The following KCNIP1 variants were observed in gnomAD, a reference collection of about 807,000 sequenced individuals.
The protein encoded by KCNIP1 is A-type potassium channel modulatory protein KCNIP1.
A neutral mutation model predicts 33.0 loss-of-function variants in KCNIP1; 18 were observed. That is an observed-to-expected ratio of 0.55 (90% confidence interval 0.38 to 0.81). KCNIP1 has a LOEUF of 0.81. Ranked by LOEUF, KCNIP1 falls within the 30% of genes least tolerant of loss-of-function variation. The pLI, the probability that KCNIP1 is intolerant of heterozygous loss-of-function variation, is 0.00. For synonymous variants in KCNIP1, 93 were observed against 98.3 expected (o/e 0.95, Z 0.32); for missense variants, 238 against 271.6 (o/e 0.88, Z 0.87).
chr5:170,410,196 C>T (rs1372012856), intron 1 of KCNIP1, among the ~76,000 whole-genome samples: 1 of 152,248 alleles, frequency 6.6e-6, no homozygotes, highest in East Asian at 1.9e-4. Flanking sequence ...AGTGCAGGGC[C>T]TCCTGGGTCC....
At chr5:170,498,825 G>C (rs1757358170) in intron 1 of KCNIP1, among the ~76,000 whole-genome samples, 1 of 152,150 alleles carries the variant, frequency 6.6e-6, no homozygotes. Flanking sequence ...ACAATCCCCT[G>C]ACATGATTGG....
intron 1 of KCNIP1, among the ~76,000 whole-genome samples, chr5:170,519,002 A>T (rs1419255737): frequency 6.6e-6 from 1 of 151,932 alleles, no homozygotes; most frequent in African/African-American, 2.4e-5. Flanking sequence ...TCCACAGCCC[A>T]CCCACCCTCT....
chr5:170,456,932 C>T (rs1360183140), intron 1 of KCNIP1, among the ~76,000 whole-genome samples: 1 of 152,026 alleles, frequency 6.6e-6, no homozygotes, highest in Non-Finnish European at 1.5e-5. Flanking sequence ...GTTGCCCAGG[C>T]TGGTCTCAAA....
At chr5:170,718,382 T>C (rs1017282721) in intron 1 of KCNIP1, among the ~76,000 whole-genome samples, 2 of 152,234 alleles carry the variant, frequency 1.3e-5, no homozygotes, top group Non-Finnish European at 2.9e-5. Context: ...CTAGAGGTGT[T>C]TATCATTCTG....
chr5:170,714,083 G>A (rs1763555509), intron 1 of KCNIP1, among the ~76,000 whole-genome samples: 1 of 152,020 alleles, frequency 6.6e-6, no homozygotes, highest in African/African-American at 2.4e-5. Flanking sequence ...CACCATGAGG[G>A]AGGCACTATT....
intron 1 of KCNIP1, among the ~76,000 whole-genome samples, chr5:170,650,161 T>A (rs1001077191): frequency 2.0e-5 from 3 of 152,222 alleles, no homozygotes; most frequent in Admixed American, 1.3e-4. Context: ...TAAAAAAAGA[T>A]ATATTGAAAT....
At chr5:170,664,460 G>C (rs1252610779) in intron 1 of KCNIP1, among the ~76,000 whole-genome samples, 2 of 152,026 alleles carry the variant, frequency 1.3e-5, no homozygotes, top group African/African-American at 4.8e-5. Context: ...GTAGAGTCTG[G>C]GTCCCATTCG....
At chr5:170,437,830 G>A (rs34916612) in intron 1 of KCNIP1, among the ~76,000 whole-genome samples, 83,485 of 152,018 alleles carry the variant, frequency 0.55, 23,249 homozygotes, top group South Asian at 0.61. Context: ...CTACCTCTGG[G>A]CCTTTGCACA....
At chr5:170,529,339 A>G (rs1755700001) in intron 1 of KCNIP1, among the ~76,000 whole-genome samples, 1 of 152,146 alleles carries the variant, frequency 6.6e-6, no homozygotes, top group Non-Finnish European at 1.5e-5. Context: ...TTCCAGGAAA[A>G]GTCCCAGGGC....
At chr5:170,414,930 C>A (rs996896490) in intron 1 of KCNIP1, among the ~76,000 whole-genome samples, 1 of 152,184 alleles carries the variant, frequency 6.6e-6, no homozygotes, top group Non-Finnish European at 1.5e-5. Context: ...GGAGGAGATT[C>A]TTCCAGGTGT....
intron 1 of KCNIP1, among the ~76,000 whole-genome samples, chr5:170,692,790 T>C (rs1762763921): frequency 6.6e-6 from 1 of 152,238 alleles, no homozygotes; most frequent in South Asian, 2.1e-4. Context: ...TATGCTTATA[T>C]GTTGGTTAAA....
At chr5:170,459,940 A>G (rs532574660) in intron 1 of KCNIP1, among the ~76,000 whole-genome samples, 2 of 152,346 alleles carry the variant, frequency 1.3e-5, no homozygotes, top group South Asian at 2.1e-4. Context: ...ATAGACCATT[A>G]GCAAGATTAA....
At chr5:170,391,155 C>A (rs568007829) in intron 1 of KCNIP1, among the ~76,000 whole-genome samples, 3 of 152,144 alleles carry the variant, frequency 2.0e-5, no homozygotes, top group African/African-American at 7.2e-5. Context: ...AAGGATGATC[C>A]TCTGTCCACT....
intron 1 of KCNIP1, among the ~76,000 whole-genome samples, chr5:170,358,639 G>A (rs1561582578): frequency 1.3e-5 from 2 of 152,234 alleles, no homozygotes; most frequent in Non-Finnish European, 2.9e-5. Flanking sequence ...ATGATGATAT[G>A]AGTAAGAGAT....
At chr5:170,438,389 G>GC in intron 1 of KCNIP1, among the ~76,000 whole-genome samples, 1 of 152,206 alleles carries the variant, frequency 6.6e-6, no homozygotes, top group Non-Finnish European at 1.5e-5. Context: ...GAGGTGAGGA[G>GC]GGTCTCCTGT....
chr5:170,486,549 G>A (rs1757098480), intron 1 of KCNIP1: 2 of 152,228 alleles, frequency 1.3e-5, no homozygotes, highest in African/African-American at 4.8e-5. Context: ...TTATCCTTAA[G>A]AAATCCAAGT....
Position 170,477,052 on chromosome 5 carries a change from A to G in KCNIP1, c.88+123088A>G, listed in dbSNP as rs78926431. 7.9e-5 allele frequency among the ~76,000 whole-genome samples: 12 copies of G among 152,332 alleles called. 1 individual carries two copies. In the East Asian group the frequency reaches 2.3e-3, roughly 29 times the overall value. On this transcript the variant is annotated intron_variant, in intron 1 of 7. Transcript: ENST00000377360. ...TTGAAGTGAGGGAAGCTGTAAGTGT[A>G]TGGAGACAGATAAATGGGAATTCTC...
intron 1 of KCNIP1, among the ~76,000 whole-genome samples, chr5:170,393,941 T>A (rs1020933892): frequency 3.3e-5 from 5 of 152,196 alleles, no homozygotes; most frequent in African/African-American, 4.8e-5. Flanking sequence ...GGTTGGTTTT[T>A]TTAAAAAAAT....
chr5:170,366,344 G>A (rs1243532624), intron 1 of KCNIP1, among the ~76,000 whole-genome samples: 2 of 152,212 alleles, frequency 1.3e-5, no homozygotes, highest in Admixed American at 6.5e-5. Flanking sequence ...GGATGTCGTG[G>A]CAGTCACTGC....
Sources: allele counts gnomAD v4.1 joint callset (sites outside exome capture counted in the v4.1 genomes callset), GRCh38; gene constraint gnomAD v4.1.1; transcripts MANE v1.5; gene names NCBI Gene and HGNC (gene_info 2026-07-23, HGNC 2026-07-21).